The following FRMD4A variants were observed in gnomAD, a reference collection of about 807,000 sequenced individuals.
FRMD4A encodes the protein FERM domain containing 4A, also known as FERM domain-containing protein 4A.
Under a neutral mutation model 129.1 loss-of-function variants are expected in FRMD4A, and 29 were observed. The observed-to-expected ratio is 0.22, with a 90% confidence interval of 0.17 to 0.31. The LOEUF (loss-of-function observed/expected upper bound fraction) is 0.31, where lower values mean the gene tolerates loss of function less well. Among genes scored for constraint, FRMD4A ranks in the 10% least tolerant of loss-of-function variants. The pLI is 1.00. For synonymous variants in FRMD4A, 634 were observed against 571.6 expected (o/e 1.11, Z -1.56); for missense variants, 1,272 against 1,375.8 (o/e 0.92, Z 1.19).
At chr10:13,878,832 G>GAAGGAAGGAAGGAAGGAAGGAAGA (rs1335312754) in intron 2 of FRMD4A, among the ~76,000 whole-genome samples, 1 of 150,916 alleles carries the variant, frequency 6.6e-6, no homozygotes, top group African/African-American at 2.4e-5. Context: ...GGGAAGGAAG[G>GAAGGAAGGAAGGAAGGAAGGAAGA]AAGGAAGGAA....
chr10:13,833,532 A>G (rs892661886), intron 3 of FRMD4A, among the ~76,000 whole-genome samples: 4 of 152,108 alleles, frequency 2.6e-5, no homozygotes, highest in African/African-American at 9.7e-5. Context: ...CCTGACATTC[A>G]TGGGGCATCT....
rs1838040783 is a variant in FRMD4A at position 14,113,575 on chromosome 10, A to G, written c.45+216483T>C. ...TTAAATTCTGGGGGACTCAGAAGTTATACCTAGATTTCTGACTGAAAGGGG... is the reference window on the plus strand; with the variant it reads ...TTAAATTCTGGGGGACTCAGAAGTTGTACCTAGATTTCTGACTGAAAGGGG... On this transcript the variant is annotated intron_variant, in intron 2 of 24. Coordinates refer to ENST00000357447, the MANE Select transcript of FRMD4A (RefSeq NM_018027.5). Among the ~76,000 whole-genome samples the G allele has an allele frequency of 2.6e-5, 4 of 152,184 alleles. No homozygotes were observed. In the South Asian group the frequency reaches 8.3e-4, roughly 32 times the overall value.
At chr10:14,223,755 A>G (rs2131976098) in intron 2 of FRMD4A, among the ~76,000 whole-genome samples, 1 of 122,198 alleles carries the variant, frequency 8.2e-6, no homozygotes, top group Non-Finnish European at 1.7e-5. Context: ...TGAAAAAAAA[A>G]AAAAAAAAAG....
intron 2 of FRMD4A, among the ~76,000 whole-genome samples, chr10:14,226,399 A>G (rs1336382952): frequency 1.3e-5 from 2 of 152,198 alleles, no homozygotes; most frequent in African/African-American, 4.8e-5. Flanking sequence ...ATCATCGTAT[A>G]CATCAGTGTG....
intron 2 of FRMD4A, among the ~76,000 whole-genome samples, chr10:14,112,086 T>C (rs1490711312): frequency 6.6e-6 from 1 of 151,738 alleles, no homozygotes; most frequent in Non-Finnish European, 1.5e-5. Context: ...AGTGAGCAAA[T>C]GCTTGGTGTT....
At chr10:14,013,651 G>T (rs1189873720) in intron 2 of FRMD4A, among the ~76,000 whole-genome samples, 2 of 152,086 alleles carry the variant, frequency 1.3e-5, no homozygotes, top group Non-Finnish European at 2.9e-5. Flanking sequence ...GGCCAGCCCA[G>T]CCAGGCAGGG....
chr10:14,104,705 T>C (rs568496815), intron 2 of FRMD4A, among the ~76,000 whole-genome samples: 1 of 152,356 alleles, frequency 6.6e-6, no homozygotes, highest in African/African-American at 2.4e-5. Context: ...ATGCTGAGGT[T>C]AGAGCAAGGG....
At chr10:13,717,207 A>C (rs1052540308) in intron 12 of FRMD4A, among the ~76,000 whole-genome samples, 2 of 152,260 alleles carry the variant, frequency 1.3e-5, no homozygotes, top group Admixed American at 6.5e-5. Flanking sequence ...AGGGGAATTA[A>C]TCAATCTGAG....
intron 2 of FRMD4A, among the ~76,000 whole-genome samples, chr10:14,273,059 T>TACACACAC (rs59318900): frequency 0.013 from 1,860 of 143,978 alleles, 45 homozygotes; most frequent in African/African-American, 0.044. Context: ...TTACCAGAAA[T>TACACACAC]ACACACACAC....
At chr10:14,008,984 C>T (rs563861334) in intron 2 of FRMD4A, among the ~76,000 whole-genome samples, 54 of 152,160 alleles carry the variant, frequency 3.5e-4, no homozygotes, top group Non-Finnish European at 7.6e-4. Flanking sequence ...GTGTTTGGCA[C>T]CTTCTCATTT....
intron 8 of FRMD4A, among the ~76,000 whole-genome samples, chr10:13,758,754 T>C (rs905047268): frequency 6.6e-6 from 1 of 152,208 alleles, no homozygotes; most frequent in African/African-American, 2.4e-5. Flanking sequence ...GTGCCTATTT[T>C]TTCCTGGTCG....
chr10:13,910,647 T>C (rs1332173574), intron 2 of FRMD4A, among the ~76,000 whole-genome samples: 1 of 152,230 alleles, frequency 6.6e-6, no homozygotes, highest in Non-Finnish European at 1.5e-5. Context: ...TGATGAAAAT[T>C]GTTGAATATG....
chr10:13,958,278 A>ATTAT (rs1554987850), intron 2 of FRMD4A, among the ~76,000 whole-genome samples: 2 of 94,560 alleles, frequency 2.1e-5, no homozygotes, highest in Non-Finnish European at 2.0e-5. Flanking sequence ...AGCCATGACC[A>ATTAT]TTGTTTTTTT....
chr10:14,036,288 T>C (rs1483536585), intron 2 of FRMD4A, among the ~76,000 whole-genome samples: 2 of 152,140 alleles, frequency 1.3e-5, no homozygotes, highest in Non-Finnish European at 2.9e-5. Flanking sequence ...GATGAGTTAT[T>C]ATGTTTCGCC....
chr10:14,228,761 C>CT (rs1322643951), intron 2 of FRMD4A, among the ~76,000 whole-genome samples: 2,081 of 144,986 alleles, frequency 0.014, 41 homozygotes, highest in African/African-American at 0.047. Flanking sequence ...TATTTGTTTG[C>CT]TTTTTTTTTT....
chr10:14,045,570 C>T (rs1261713239), intron 2 of FRMD4A, among the ~76,000 whole-genome samples: 3 of 149,502 alleles, frequency 2.0e-5, no homozygotes, highest in Non-Finnish European at 3.0e-5. Flanking sequence ...ATACATATTA[C>T]TATTACATAT....
chr10:13,882,101 T>C (rs1186197196), intron 2 of FRMD4A, among the ~76,000 whole-genome samples: 1 of 151,864 alleles, frequency 6.6e-6, no homozygotes, highest in Non-Finnish European at 1.5e-5. Context: ...ACGGGCTTTT[T>C]CTTCCATGCT....
chr10:13,808,024 C>T (rs1040266063), intron 4 of FRMD4A, among the ~76,000 whole-genome samples: 3 of 152,088 alleles, frequency 2.0e-5, no homozygotes, highest in African/African-American at 7.2e-5. Context: ...GTCTCGAACT[C>T]CTGACCTCAA....
intron 3 of FRMD4A, among the ~76,000 whole-genome samples, chr10:13,831,469 C>T (rs1031378954): frequency 6.6e-6 from 1 of 152,120 alleles, no homozygotes; most frequent in African/African-American, 2.4e-5. Flanking sequence ...AAAATAAGAA[C>T]TTAAGATTGC....
Sources: gnomAD v4.1 joint callset for allele counts (sites outside exome capture counted in the v4.1 genomes callset) on GRCh38, gnomAD v4.1.1 for gene constraint, MANE v1.5 for transcripts, NCBI Gene and HGNC (gene_info 2026-07-23, HGNC 2026-07-21) for gene names.